The following SNX24 variants were observed in gnomAD, a reference collection of about 807,000 sequenced individuals.
The protein encoded by SNX24 is sorting nexin-24.
SNX24 carries 22 observed loss-of-function variants against 28.7 expected under a neutral mutation model. That is an observed-to-expected ratio of 0.77 (90% CI 0.55 to 1.10). SNX24 has a LOEUF of 1.10. SNX24 is among the 50% of genes least tolerant of loss of function. The probability of loss-of-function intolerance (pLI) is 0.00; values close to 1 mark genes in which losing one functional copy is unlikely to be tolerated. For synonymous variants in SNX24, 69 were observed against 71.5 expected (o/e 0.96, Z 0.18); for missense variants, 221 against 201.1 (o/e 1.10, Z -0.60).
chr5:122,913,300 G>T, intron 1 of SNX24, among the ~76,000 whole-genome samples: 1 of 151,740 alleles, frequency 6.6e-6, no homozygotes, highest in East Asian at 2.0e-4. Context: ...CCGGGCAGAG[G>T]CGCCCCCCAC....
intron 3 of SNX24, among the ~76,000 whole-genome samples, chr5:122,963,460 T>A (rs1445350643): frequency 6.6e-6 from 1 of 152,198 alleles, no homozygotes; most frequent in Admixed American, 6.5e-5. Context: ...ACACTCAGAC[T>A]TCTCTTAAAA....
chr5:122,958,948 G>A (rs1760342584), intron 3 of SNX24, among the ~76,000 whole-genome samples: 1 of 152,102 alleles, frequency 6.6e-6, no homozygotes, highest in Admixed American at 6.6e-5. Flanking sequence ...ATTTTTGTCT[G>A]TAGTTTTCTT....
intron 1 of SNX24, among the ~76,000 whole-genome samples, chr5:122,854,594 A>G (rs911486485): frequency 6.6e-6 from 1 of 152,138 alleles, no homozygotes; most frequent in East Asian, 1.9e-4. Context: ...CCATTGAAAA[A>G]AATATAAACA....
chr5:122,863,722 A>AT (rs71623274), intron 1 of SNX24, among the ~76,000 whole-genome samples: 3,990 of 152,112 alleles, frequency 0.026, 70 homozygotes, highest in Non-Finnish European at 0.037. Flanking sequence ...CACCTGGCTA[A>AT]TTTTTTATTT....
rs141769515 is a variant in SNX24, at chr5:123,025,905, C to T, written n.384-3333C>T. ...CCCAGCGTTGGCCATGCTGACCCAC[C>T]CAATGCCATAGTGCTTCAGCTTGAA... On this transcript the variant is annotated intron_variant and non_coding_transcript_variant, in intron 5 of 5. Transcript: ENST00000502387. 1.2e-4 allele frequency: 191 copies of T among 1,613,662 alleles called. No homozygotes were observed. The highest frequency in any genetic ancestry group is 1.6e-4 in the Non-Finnish European group (185 of 1,179,952).
At chr5:123,018,296 C>T (rs1762714879) in intron 5 of SNX24, among the ~76,000 whole-genome samples, 2 of 152,092 alleles carry the variant, frequency 1.3e-5, no homozygotes, top group African/African-American at 4.8e-5. Context: ...TCCTCCTTTA[C>T]CCTGGACAGT....
chr5:122,926,003 G>T (rs994214184), intron 1 of SNX24, among the ~76,000 whole-genome samples: 9 of 152,162 alleles, frequency 5.9e-5, no homozygotes, highest in African/African-American at 2.2e-4. Flanking sequence ...GTGTATGTGA[G>T]TGTGTATGTT....
intron 1 of SNX24, among the ~76,000 whole-genome samples, chr5:122,913,271 C>T (rs1456991317): frequency 2.0e-5 from 3 of 152,292 alleles, no homozygotes; most frequent in South Asian, 4.2e-4. Flanking sequence ...AGGGGCTCCT[C>T]ACTTCCCAGT....
chr5:122,845,802 T>TTG (rs1459057293), intron 1 of SNX24, 109 bp downstream of exon 1: 2 of 527,320 alleles, frequency 3.8e-6, no homozygotes, highest in African/African-American at 4.0e-5. Flanking sequence ...TCCCCTCGTT[T>TTG]TCTCTCCCCT....
At chr5:122,969,225 A>G (rs1413606575) in intron 3 of SNX24, among the ~76,000 whole-genome samples, 1 of 152,160 alleles carries the variant, frequency 6.6e-6, no homozygotes, top group African/African-American at 2.4e-5. Flanking sequence ...GTTCTTTCCC[A>G]TTCAGAATGT....
At chr5:122,945,433 A>G (rs567516484) in intron 2 of SNX24, among the ~76,000 whole-genome samples, 1 of 152,352 alleles carries the variant, frequency 6.6e-6, no homozygotes, top group South Asian at 2.1e-4. Context: ...AACTTCCAAC[A>G]GAATTTTTGT....
intron 1 of SNX24, among the ~76,000 whole-genome samples, chr5:122,851,001 A>G (rs949536441): frequency 1.1e-4 from 17 of 152,144 alleles, no homozygotes; most frequent in African/African-American, 3.4e-4. Flanking sequence ...CAAGTTGAGG[A>G]TGGACAGCAG....
At chr5:122,918,862 G>A (rs1477953949) in intron 1 of SNX24, among the ~76,000 whole-genome samples, 1 of 152,000 alleles carries the variant, frequency 6.6e-6, no homozygotes, top group East Asian at 1.9e-4. Flanking sequence ...TTTAAGTGAG[G>A]GCTAAAACGT....
At chr5:122,930,856 G>GT (rs752540100) in intron 1 of SNX24, among the ~76,000 whole-genome samples, 25 of 152,116 alleles carry the variant, frequency 1.6e-4, no homozygotes, top group Non-Finnish European at 2.9e-4. Context: ...GGCAATTATG[G>GT]TAAGTTCTTA....
intron 1 of SNX24, among the ~76,000 whole-genome samples, chr5:122,898,237 G>A (rs1295308786): frequency 6.6e-6 from 1 of 152,186 alleles, no homozygotes; most frequent in South Asian, 2.1e-4. Flanking sequence ...CTCCTACAGA[G>A]TCAGTCTTAA....
At chr5:122,932,978 A>AC (rs774707735) in intron 1 of SNX24, among the ~76,000 whole-genome samples, 518 of 152,084 alleles carry the variant, frequency 3.4e-3, no homozygotes, top group Non-Finnish European at 6.4e-3. Context: ...TTAGTACATT[A>AC]GAGGGGTGAA....
intron 3 of SNX24, among the ~76,000 whole-genome samples, chr5:122,958,865 A>G (rs1760337778): frequency 6.6e-6 from 1 of 152,038 alleles, no homozygotes; most frequent in Non-Finnish European, 1.5e-5. Flanking sequence ...TGGCCAATAT[A>G]GTCTTTTTAA....
chr5:123,029,046 T>A (rs1762905438), intron 5 of SNX24: 9 of 813,346 alleles, frequency 1.1e-5, no homozygotes, highest in Non-Finnish European at 1.7e-5. Context: ...AAAATAAATA[T>A]GTTATGGAAG....
intron 2 of SNX24, among the ~76,000 whole-genome samples, chr5:122,937,541 A>T (rs1188695608): frequency 6.6e-6 from 1 of 152,224 alleles, no homozygotes; most frequent in Non-Finnish European, 1.5e-5. Context: ...AATTATTTTA[A>T]TATCTAGAAA....
Sources: gnomAD v4.1 joint callset for allele counts (sites outside exome capture counted in the v4.1 genomes callset) on GRCh38, gnomAD v4.1.1 for gene constraint, MANE v1.5 for transcripts, NCBI Gene and HGNC (gene_info 2026-07-23, HGNC 2026-07-21) for gene names.